Variants in AGMO observed in about 807,000 individuals in gnomAD.
AGMO encodes glyceryl-ether monooxygenase.
A neutral mutation model predicts 60.2 loss-of-function variants in AGMO; 75 were observed. That is an observed-to-expected ratio of 1.25 (90% CI 1.03 to 1.51). The LOEUF is 1.51. AGMO is among the 40% of genes most tolerant of loss of function. The pLI, the probability that AGMO is intolerant of heterozygous loss-of-function variation, is 0.00. For synonymous variants in AGMO, 261 were observed against 177.1 expected (o/e 1.47, Z -3.76); for missense variants, 763 against 525.5 (o/e 1.45, Z -4.42).
downstream of AGMO, among the ~76,000 whole-genome samples, chr7:15,199,223 T>C (rs1025430351): frequency 9.2e-5 from 14 of 152,136 alleles, no homozygotes; most frequent in African/African-American, 3.4e-4. Context: ...TGGTAACCAC[T>C]CCCACTTTCA....
chr7:15,502,068 T>C (rs533647813), intron 3 of AGMO, among the ~76,000 whole-genome samples: 2 of 152,056 alleles, frequency 1.3e-5, no homozygotes, highest in Non-Finnish European at 2.9e-5. Context: ...TGGATGACAA[T>C]TATCCTGTTA....
chr7:15,462,063 T>TA (rs56245738), intron 3 of AGMO, among the ~76,000 whole-genome samples: 119,096 of 151,126 alleles, frequency 0.79, 47,906 homozygotes, highest in African/African-American at 0.87. Flanking sequence ...TTGGAAAAGG[T>TA]AAAAAAAAAT....
At chr7:15,317,954 CT>C (rs1352779585) in intron 12 of AGMO, among the ~76,000 whole-genome samples, 1 of 140,672 alleles carries the variant, frequency 7.1e-6, no homozygotes, top group African/African-American at 2.7e-5. Flanking sequence ...CACACACACA[CT>C]ATATATATAT....
intron 10 of AGMO, among the ~76,000 whole-genome samples, chr7:15,372,644 T>C (rs1413062141): frequency 6.6e-6 from 1 of 151,918 alleles, no homozygotes; most frequent in Non-Finnish European, 1.5e-5. Context: ...GAAAAAAAAA[T>C]AGAATTTATA....
chr7:15,307,878 C>T (rs1358658000), intron 12 of AGMO, among the ~76,000 whole-genome samples: 1 of 152,058 alleles, frequency 6.6e-6, no homozygotes, highest in Non-Finnish European at 1.5e-5. Flanking sequence ...TCCTTCATAT[C>T]CCACCTCTGA....
chr7:15,165,607 A>T, the AGMO span, among the ~76,000 whole-genome samples: 5 of 152,306 alleles, frequency 3.3e-5, no homozygotes, highest in East Asian at 9.6e-4. Context: ...AAGAATTTTA[A>T]ATAACTTACC....
At chr7:15,391,497 C>T (rs1784136182) in intron 6 of AGMO, among the ~76,000 whole-genome samples, 1 of 152,078 alleles carries the variant, frequency 6.6e-6, no homozygotes, top group African/African-American at 2.4e-5. Flanking sequence ...TTATTTAATA[C>T]ATTTTTTATA....
intron 12 of AGMO, among the ~76,000 whole-genome samples, chr7:15,312,540 G>A (rs1435572784): frequency 6.6e-6 from 1 of 151,516 alleles, no homozygotes; most frequent in Non-Finnish European, 1.5e-5. Flanking sequence ...TGCATGGCGG[G>A]GGCGGTGGGG....
At chr7:15,304,312 G>A (rs1287564966) in intron 12 of AGMO, among the ~76,000 whole-genome samples, 1 of 152,000 alleles carries the variant, frequency 6.6e-6, no homozygotes, top group African/African-American at 2.4e-5. Flanking sequence ...CTCCCTTGAG[G>A]TCTTCTCCAC....
chr7:15,444,944 G>A (rs1781659746), intron 3 of AGMO, among the ~76,000 whole-genome samples: 1 of 152,118 alleles, frequency 6.6e-6, no homozygotes, highest in African/African-American at 2.4e-5. Context: ...CCCAGGCCAG[G>A]GAGCTGACAT....
At position 15,385,230 on chromosome 7, in the gene AGMO, T is replaced by A. The variant is rs898584601; in HGVS notation, c.1074+216A>T. ...CACAGATTCACAGCATACCACTCAG[T>A]GAACATTCTGCACAGAAGCATTTTG... On this transcript the variant is annotated intron_variant, in intron 10 of 12. Coordinates refer to ENST00000342526, the MANE Select transcript of AGMO (RefSeq NM_001004320.2). Among the ~76,000 whole-genome samples the A allele has an allele frequency of 3.3e-5, 5 of 152,220 alleles. No homozygotes were observed. In the East Asian group the frequency reaches 9.6e-4, roughly 29 times the overall value.
chr7:15,321,782 G>T (rs1437132088), intron 12 of AGMO, among the ~76,000 whole-genome samples: 1 of 151,980 alleles, frequency 6.6e-6, no homozygotes, highest in African/African-American at 2.4e-5. Flanking sequence ...AACTCAAAAA[G>T]ATTTAAAAAA....
intron 3 of AGMO, among the ~76,000 whole-genome samples, chr7:15,531,274 T>C (rs1184848780): frequency 2.0e-5 from 2 of 99,330 alleles, no homozygotes; most frequent in Admixed American, 1.5e-4. Context: ...ATATATTCTC[T>C]ATATACATAT....
chr7:15,149,269 G>A, the AGMO span, among the ~76,000 whole-genome samples: 89,145 of 151,902 alleles, frequency 0.59, 27,182 homozygotes, highest in East Asian at 0.73. Context: ...TGTAGGTTGT[G>A]TGTTTACTCT....
chr7:15,552,962 AC>A (rs1344763922), intron 2 of AGMO, among the ~76,000 whole-genome samples: 2 of 152,218 alleles, frequency 1.3e-5, no homozygotes, highest in East Asian at 3.9e-4. Context: ...AAAATGTGGC[AC>A]ATATACACCA....
chr7:15,288,137 C>A (rs1672843342), intron 12 of AGMO, among the ~76,000 whole-genome samples: 1 of 152,040 alleles, frequency 6.6e-6, no homozygotes, highest in Admixed American at 6.6e-5. Context: ...CATTCTCCTG[C>A]CTTGGCCTCC....
chr7:15,186,549 T>G, the AGMO span, among the ~76,000 whole-genome samples: 1 of 152,264 alleles, frequency 6.6e-6, no homozygotes, highest in South Asian at 2.1e-4. Context: ...ACCACCCAAC[T>G]TAGGCTCTAT....
intron 12 of AGMO, among the ~76,000 whole-genome samples, chr7:15,273,252 T>C (rs1396394713): frequency 2.0e-5 from 3 of 152,190 alleles, no homozygotes; most frequent in Non-Finnish European, 4.4e-5. Context: ...AGGATTTTTA[T>C]GGTTTTAGGT....
chr7:15,278,786 C>T (rs1320623271), intron 12 of AGMO, among the ~76,000 whole-genome samples: 2 of 152,200 alleles, frequency 1.3e-5, no homozygotes, highest in Admixed American at 6.5e-5. Context: ...ATTGCTGTGG[C>T]AGCCAAGGAC....
Sources: gnomAD v4.1 joint callset for allele counts (sites outside exome capture counted in the v4.1 genomes callset) on GRCh38, gnomAD v4.1.1 for gene constraint, MANE v1.5 for transcripts, NCBI Gene and HGNC (gene_info 2026-07-23, HGNC 2026-07-21) for gene names.